The following ANO4 variants were observed in gnomAD, a reference collection of about 807,000 sequenced individuals.
The protein encoded by ANO4 is anoctamin-4.
In ANO4, 69 loss-of-function variants were observed where a neutral mutation model predicts 141.9. The ratio of observed to expected loss-of-function variants is 0.49; its 90% CI spans 0.40 to 0.59. The LOEUF is 0.59. Among genes scored for constraint, ANO4 ranks in the 20% least tolerant of loss-of-function variants. ANO4 has a pLI of 0.00. For missense variants in ANO4, 894 were observed against 1,162.2 expected (o/e 0.77, Z 3.36); for synonymous variants, 350 against 394.3 (o/e 0.89, Z 1.33).
intron 1 of ANO4, among the ~76,000 whole-genome samples, chr12:100,860,433 C>T (rs967497797): frequency 6.6e-6 from 1 of 152,188 alleles, no homozygotes; most frequent in Non-Finnish European, 1.5e-5. Flanking sequence ...TCACCTTACT[C>T]CTTGGCCCCT....
Position 100,965,653 on chromosome 12 carries a change from C to T in ANO4, c.457-5653C>T, listed in dbSNP as rs572495006. ...TCAATCACCCCAGCCTTTTAGTTCC[C>T]GGAACAATCTCTGGGCCTTTGTTCT... is the stretch of plus-strand genomic sequence containing the variant. On this transcript the variant is annotated intron_variant, in intron 5 of 27. Coordinates refer to ENST00000392977, the MANE Select transcript of ANO4 (RefSeq NM_001286615.2). Among the ~76,000 whole-genome samples the T allele has an allele frequency of 1.2e-4, 18 of 151,812 alleles. 1 individual carries two copies. In the South Asian group the frequency reaches 1.5e-3, roughly 12 times the overall value.
chr12:100,972,783 C>G (rs954194481), intron 6 of ANO4, among the ~76,000 whole-genome samples: 4 of 151,956 alleles, frequency 2.6e-5, no homozygotes, highest in East Asian at 1.9e-4. Context: ...TTTATACACC[C>G]CTCTCCAGTA....
chr12:100,962,293 T>C (rs930689991), intron 5 of ANO4, among the ~76,000 whole-genome samples: 2 of 152,204 alleles, frequency 1.3e-5, no homozygotes, highest in Non-Finnish European at 1.5e-5. Flanking sequence ...TCTCAATGAC[T>C]GTGTGCTCAG....
chr12:100,893,459 G>A (rs1006134392), intron 1 of ANO4, among the ~76,000 whole-genome samples: 7 of 152,060 alleles, frequency 4.6e-5, no homozygotes, highest in Non-Finnish European at 1.0e-4. Flanking sequence ...GCTGGTTTAA[G>A]TAAGGCTTGG....
intron 3 of ANO4, among the ~76,000 whole-genome samples, chr12:100,926,659 C>G (rs2041885475): frequency 6.6e-6 from 1 of 151,454 alleles, no homozygotes; most frequent in South Asian, 2.1e-4. Context: ...TTATTTGTCC[C>G]TTCCTCTCTA....
At chr12:101,026,067 A>G (rs1006273116) in intron 9 of ANO4, among the ~76,000 whole-genome samples, 2 of 152,188 alleles carry the variant, frequency 1.3e-5, no homozygotes, top group Admixed American at 1.3e-4. Flanking sequence ...TATCCAGTGC[A>G]ATAAAATAAA....
chr12:100,796,683 G>A (rs2034344635), intron 1 of ANO4, among the ~76,000 whole-genome samples: 1 of 151,342 alleles, frequency 6.6e-6, no homozygotes, highest in East Asian at 1.9e-4. Flanking sequence ...GCTTGGCTTA[G>A]CTGTTCTAAT....
chr12:101,115,513 C>G (rs1476795052), intron 24 of ANO4, among the ~76,000 whole-genome samples: 2 of 152,090 alleles, frequency 1.3e-5, no homozygotes, highest in East Asian at 1.9e-4. Context: ...GACTAGAAAC[C>G]AGCAGAACTA....
At chr12:101,068,173 G>A (rs1409212414) in intron 14 of ANO4, 3 of 1,071,170 alleles carry the variant, frequency 2.8e-6, no homozygotes, top group African/African-American at 1.6e-5. Context: ...CTTTTAAATA[G>A]CCCCATAGGA....
At chr12:101,041,778 G>A (rs17407292) in intron 11 of ANO4, among the ~76,000 whole-genome samples, 13,813 of 152,204 alleles carry the variant, frequency 0.091, 713 homozygotes, top group South Asian at 0.15. Flanking sequence ...TGGAAAGAAC[G>A]GATGTGGCAG....
rs144807902 is a variant in ANO4, at chr12:101,064,738, C to T, written c.1313-14455C>T. Among the ~76,000 whole-genome samples the T allele has an allele frequency of 6.7e-3, 1,011 of 151,664 alleles. 17 individuals carry two copies. Among genetic ancestry groups the T allele is most frequent in the African/African-American group, 0.024 (975 of 41,386 alleles). On this transcript the variant is annotated intron_variant, in intron 14 of 27. Transcript: ENST00000392977. ...CCTTTTTCCACAGTTTTGCTTTCCA[C>T]AGTTTCAGTGACCCACTATCAACAA...
chr12:100,871,718 A>G (rs2039044109), intron 1 of ANO4, among the ~76,000 whole-genome samples: 3 of 152,202 alleles, frequency 2.0e-5, no homozygotes, highest in Admixed American at 2.0e-4. Context: ...TTCCTGGTTC[A>G]TACATAGCCA....
intron 3 of ANO4, among the ~76,000 whole-genome samples, chr12:100,780,781 C>T (rs373944683): frequency 6.6e-6 from 1 of 152,166 alleles, no homozygotes; most frequent in East Asian, 1.9e-4. Context: ...TGGCTTCAAG[C>T]AATCCTCTCA....
At chr12:100,949,072 G>A (rs1295132640) in intron 5 of ANO4, among the ~76,000 whole-genome samples, 1 of 152,164 alleles carries the variant, frequency 6.6e-6, no homozygotes, top group Non-Finnish European at 1.5e-5. Context: ...AGGGATCTTA[G>A]TCCTACAACC....
At chr12:101,051,758 T>C (rs1336384476) in intron 14 of ANO4, among the ~76,000 whole-genome samples, 2 of 152,232 alleles carry the variant, frequency 1.3e-5, no homozygotes, top group African/African-American at 4.8e-5. Flanking sequence ...AGAGTTAAAC[T>C]GGGCAGTGTG....
intron 9 of ANO4, among the ~76,000 whole-genome samples, chr12:101,033,404 A>C (rs1162802887): frequency 6.6e-6 from 1 of 152,140 alleles, no homozygotes; most frequent in African/African-American, 2.4e-5. Flanking sequence ...CCAGCATGTC[A>C]CATGTATATA....
rs1397123580 is a variant in ANO4 at position 101,086,666 on chromosome 12, G to A, written c.1543G>A (p.Val515Met). 3.7e-6 allele frequency: 6 copies of A among 1,613,516 alleles called. No homozygotes were observed. Among genetic ancestry groups the A allele is most frequent in the East Asian group, 4.5e-5 (2 of 44,866 alleles). ...SASGIFFMIC[V>M]VIAAVFGIVI... ...TGTCTTGTCTTCCTGCCAGATCTGCGTGGTGATTGCTGCCGTGTTCGGGAT... is the reference window on the plus strand; with the variant it reads ...TGTCTTGTCTTCCTGCCAGATCTGCATGGTGATTGCTGCCGTGTTCGGGAT... The change falls in exon 17 of 28, where the codon GTG becomes ATG. Residue 515 changes from valine (V) to methionine (M), a missense_variant. By Grantham distance (21) the Val-to-Met change is conservative (BLOSUM62 1). Coordinates refer to ENST00000392977, the MANE Select transcript of ANO4 (RefSeq NM_001286615.2).
intron 1 of ANO4, among the ~76,000 whole-genome samples, chr12:100,807,918 A>G (rs1043462211): frequency 7.9e-5 from 12 of 152,222 alleles, no homozygotes; most frequent in African/African-American, 2.7e-4. Flanking sequence ...TGGCTGCATA[A>G]TATTCCACGG....
rs1320042518 is a variant in ANO4, at chr12:101,120,617, GT to G, written c.2669del (p.Val890AlafsTer9). 1.2e-6 allele frequency: 2 copies of G among 1,613,484 alleles called. No homozygotes were observed. The highest frequency in any genetic ancestry group is 1.7e-6 in the Non-Finnish European group (2 of 1,179,702). ...VLAARLAFII[V>X]FEHLVFCIKH... ...AGCTGCTCGATTAGCTTTTATCATTGTCTTTGAGGTAAGTTTCCTCAGCCAA... is the reference window on the plus strand; with the variant it reads ...AGCTGCTCGATTAGCTTTTATCATTGCTTTGAGGTAAGTTTCCTCAGCCAA... On this transcript the variant is annotated frameshift_variant, in exon 26 of 28. Coordinates refer to ENST00000392977, the MANE Select transcript of ANO4 (RefSeq NM_001286615.2). LOFTEE classifies it high-confidence loss of function.
Sources: gnomAD v4.1 joint callset for allele counts (sites outside exome capture counted in the v4.1 genomes callset) on GRCh38, gnomAD v4.1.1 for gene constraint, MANE v1.5 for transcripts, NCBI Gene and HGNC (gene_info 2026-07-23, HGNC 2026-07-21) for gene names.